ATG7: variants seen among roughly 807,000 people sequenced by gnomAD.
ATG7 encodes the protein autophagy related 7.
A neutral mutation model predicts 82.4 loss-of-function variants in ATG7; 70 were observed. The ratio of observed to expected loss-of-function variants is 0.85; its 90% CI spans 0.70 to 1.04. The LOEUF is 1.04. Ranked by LOEUF, ATG7 falls within the 50% of genes least tolerant of loss-of-function variation. ATG7 has a pLI of 0.00. For missense variants in ATG7, 792 were observed against 864.3 expected, an observed-to-expected ratio of 0.92 and a Z score of 1.05; for synonymous variants, 287 against 313.0, an observed-to-expected ratio of 0.92 and a Z score of 0.88.
intron 14 of ATG7, among the ~76,000 whole-genome samples, chr3:11,357,349 T>TA (rs2076000504): frequency 1.3e-5 from 2 of 152,144 alleles, no homozygotes; most frequent in South Asian, 2.1e-4. Context: ...AAAGCCCATA[T>TA]AAAAAATCCC....
intron 20 of ATG7, among the ~76,000 whole-genome samples, chr3:11,520,633 C>T (rs2092416989): frequency 6.6e-6 from 1 of 152,130 alleles, no homozygotes; most frequent in East Asian, 1.9e-4. Flanking sequence ...AAAGCAGGGC[C>T]TCAGCACACA....
intron 5 of ATG7, among the ~76,000 whole-genome samples, chr3:11,300,862 A>C (rs1440117655): frequency 6.6e-6 from 1 of 152,192 alleles, no homozygotes; most frequent in South Asian, 2.1e-4. Flanking sequence ...GGCTAATGTA[A>C]GTGTTCTGGG....
intron 15 of ATG7, 144 bp downstream of exon 15, chr3:11,358,756 T>TCTC (rs2076096412): frequency 1.2e-6 from 1 of 815,456 alleles, no homozygotes; most frequent in East Asian, 2.7e-5. Flanking sequence ...TGCTTCAGAC[T>TCTC]CTGTCTTTGC....
chr3:11,493,347 C>A (rs1219264896), intron 20 of ATG7, among the ~76,000 whole-genome samples: 1 of 152,184 alleles, frequency 6.6e-6, no homozygotes, highest in East Asian at 1.9e-4. Context: ...GCCAGCTGAG[C>A]CTGGAGTCTT....
chr3:11,426,868 C>T lies in ATG7; in HGVS notation c.2021C>T (p.Ser674Phe). The change falls in exon 20 of 21, where the codon TCC (serine) becomes TTC (phenylalanine). Residue 674 changes from serine (S) to phenylalanine (F), a missense_variant. By Grantham distance (155) the Ser-to-Phe change is radical. Transcript: ENST00000693202. The stretch of plus-strand genomic sequence containing the variant: ...GCCAAGGTGTTTAATTCTTCACATT[C>T]CTTCTTAGAAGACTTGACTGGTCTT... ...FLAKVFNSSH[S>F]FLEDLTGLTL... The T allele has an allele frequency of 6.2e-7, 1 of 1,612,370 alleles. No homozygotes were observed. Among genetic ancestry groups the T allele is most frequent in the African/African-American group, 1.3e-5 (1 of 74,970 alleles).
intron 20 of ATG7, among the ~76,000 whole-genome samples, chr3:11,538,057 G>GT (rs1272249934): frequency 6.7e-6 from 1 of 148,814 alleles, no homozygotes; most frequent in Non-Finnish European, 1.5e-5. Context: ...GATGACCCCT[G>GT]TTGTCCAGCT....
chr3:11,452,421 G>A (rs1200755287), intron 20 of ATG7, among the ~76,000 whole-genome samples: 1 of 148,834 alleles, frequency 6.7e-6, no homozygotes, highest in African/African-American at 2.5e-5. Flanking sequence ...AAATGTTCTG[G>A]AATTAGATAG....
intron 20 of ATG7, among the ~76,000 whole-genome samples, chr3:11,553,749 T>C (rs934613700): frequency 5.3e-5 from 8 of 152,154 alleles, no homozygotes; most frequent in African/African-American, 1.9e-4. Flanking sequence ...CTGCCTCCCC[T>C]CAGCCTGGGA....
chr3:11,284,849 C>CTGGCCT (rs1943687758), intron 3 of ATG7, among the ~76,000 whole-genome samples: 1 of 113,802 alleles, frequency 8.8e-6, no homozygotes, highest in African/African-American at 3.4e-5. Flanking sequence ...TGTGCCTGGC[C>CTGGCCT]TTTTTTTTTT....
At chr3:11,567,308 C>A in the ATG7 span, among the ~76,000 whole-genome samples, 2 of 152,156 alleles carry the variant, frequency 1.3e-5, no homozygotes, top group Non-Finnish European at 2.9e-5. Context: ...CCAAGAGAAC[C>A]CTGTCAGCCC....
intron 20 of ATG7, among the ~76,000 whole-genome samples, chr3:11,491,544 C>T (rs188333274): frequency 3.2e-4 from 48 of 152,270 alleles, no homozygotes; most frequent in South Asian, 2.5e-3. Flanking sequence ...GGAGGAGAGG[C>T]GCTCTGCTTT....
chr3:11,531,891 C>G (rs2092701755), intron 20 of ATG7, among the ~76,000 whole-genome samples: 1 of 144,308 alleles, frequency 6.9e-6, no homozygotes, highest in African/African-American at 2.6e-5. Context: ...AAAAAAAAGT[C>G]TAATAACAGA....
chr3:11,398,384 C>T (rs1254652957), intron 19 of ATG7, among the ~76,000 whole-genome samples: 3 of 152,070 alleles, frequency 2.0e-5, no homozygotes, highest in Non-Finnish European at 4.4e-5. Context: ...ATACTGATTC[C>T]ACTGTAATTA....
At chr3:11,293,534 A>G (rs1945305869) in intron 3 of ATG7, among the ~76,000 whole-genome samples, 1 of 149,186 alleles carries the variant, frequency 6.7e-6, no homozygotes, top group African/African-American at 2.5e-5. Context: ...CTGTCTCAAA[A>G]AAAAAAAAAA....
At chr3:11,360,299 G>C (rs929486538) in intron 15 of ATG7, among the ~76,000 whole-genome samples, 1 of 152,150 alleles carries the variant, frequency 6.6e-6, no homozygotes, top group African/African-American at 2.4e-5. Flanking sequence ...GCCCGCCTTG[G>C]CCTCCCAAAG....
At chr3:11,394,278 C>G (rs1482777437) in intron 19 of ATG7, among the ~76,000 whole-genome samples, 3 of 152,166 alleles carry the variant, frequency 2.0e-5, no homozygotes. Context: ...TATTATATAA[C>G]AGAATGCTGG....
At chr3:11,500,294 A>G (rs1477977861) in intron 20 of ATG7, among the ~76,000 whole-genome samples, 1 of 152,230 alleles carries the variant, frequency 6.6e-6, no homozygotes, top group Non-Finnish European at 1.5e-5. Context: ...GTGGAGACAT[A>G]AAACTGCTGT....
At chr3:11,329,735 A>G (rs1951375846) in intron 9 of ATG7, among the ~76,000 whole-genome samples, 1 of 152,196 alleles carries the variant, frequency 6.6e-6, no homozygotes, top group Non-Finnish European at 1.5e-5. Context: ...ACCCAGTTTC[A>G]GTTTTTTCTA....
chr3:11,391,997 C>T (rs760061285), intron 19 of ATG7, among the ~76,000 whole-genome samples: 2 of 150,246 alleles, frequency 1.3e-5, no homozygotes, highest in South Asian at 4.2e-4. Context: ...TTAGCAGCTT[C>T]GAGGACTTAA....
Sources: gnomAD v4.1 joint callset for allele counts (sites outside exome capture counted in the v4.1 genomes callset) on GRCh38, gnomAD v4.1.1 for gene constraint, MANE v1.5 for transcripts, NCBI Gene and HGNC (gene_info 2026-07-23, HGNC 2026-07-21) for gene names.